The following OSMR variants were observed in gnomAD, a reference collection of about 807,000 sequenced individuals.
The protein encoded by OSMR is oncostatin-M-specific receptor subunit beta.
Under a neutral mutation model 99.9 loss-of-function variants are expected in OSMR, and 81 were observed. The ratio of observed to expected loss-of-function variants is 0.81; its 90% CI spans 0.68 to 0.97. The LOEUF is 0.97. Among genes scored for constraint, OSMR ranks in the 50% least tolerant of loss-of-function variants. OSMR has a pLI of 0.00. For missense variants in OSMR, 1,099 were observed against 1,153.4 expected, an observed-to-expected ratio of 0.95 and a Z score of 0.68; for synonymous variants, 406 against 410.4, an observed-to-expected ratio of 0.99 and a Z score of 0.13.
In OSMR at chr5:38,884,091, G is replaced by A. The variant is rs373437989; in HGVS notation, c.683G>A (p.Gly228Asp). 5 of 1,613,716 alleles carry A rather than the reference G, an allele frequency of 3.1e-6. No individual in the cohort carries two copies. Among genetic ancestry groups the A allele is most frequent in the Non-Finnish European group, 4.2e-6 (5 of 1,179,622 alleles). ...SQGNVSEGMK[G>D]IVLFVSKVLE... is the part of the protein sequence containing the mutation. The stretch of plus-strand genomic sequence containing the variant: ...GGAAATGTCAGTGAAGGCATGAAAG[G>A]CATCGTTCTTTTTGTCTCAAGTAAG... The change falls in exon 5 of 18, where the codon GGC (glycine) becomes GAC (aspartate). Residue 228 changes from glycine (G) to aspartate (D), a missense_variant. Gly to Asp is a moderately conservative substitution (Grantham distance 94). Transcript: ENST00000274276.
intron 9 of OSMR, among the ~76,000 whole-genome samples, chr5:38,910,699 A>G (rs1051195281): frequency 9.9e-5 from 15 of 152,226 alleles, no homozygotes; most frequent in African/African-American, 3.6e-4. Flanking sequence ...TCTCTGAGAC[A>G]CAGCAAAGCC....
chr5:38,913,130 G>C (rs1745690307), intron 9 of OSMR, among the ~76,000 whole-genome samples: 1 of 152,098 alleles, frequency 6.6e-6, no homozygotes, highest in Non-Finnish European at 1.5e-5. Context: ...TATCAAAAGA[G>C]TAAGCAACAA....
At position 38,906,009 on chromosome 5, in the gene OSMR, T is replaced by G. The variant is rs372450400; in HGVS notation, c.1285+1506T>G. Among the ~76,000 whole-genome samples, 7 of 152,230 alleles carry G rather than the reference T, an allele frequency of 4.6e-5. No homozygotes were observed. The East Asian group carries it at 1.4e-3, about 29-fold the overall frequency. On this transcript the variant is annotated intron_variant, in intron 9 of 17. Coordinates refer to ENST00000274276, the MANE Select transcript of OSMR (RefSeq NM_003999.3). ...GCAGGCCTCCCCGCTTCCCTGGTGGTGTCTGCCTATCCTCAAGCCCATTGA... is the reference window on the plus strand; with the variant it reads ...GCAGGCCTCCCCGCTTCCCTGGTGGGGTCTGCCTATCCTCAAGCCCATTGA...
intron 1 of OSMR, among the ~76,000 whole-genome samples, chr5:38,853,183 T>C (rs78429535): frequency 7.5e-4 from 114 of 152,364 alleles, no homozygotes; most frequent in African/African-American, 2.5e-3. Context: ...TTACCTATGA[T>C]TTAATCTAGT....
chr5:38,914,693 G>A (rs572680185), intron 9 of OSMR, among the ~76,000 whole-genome samples: 2 of 152,332 alleles, frequency 1.3e-5, no homozygotes, highest in South Asian at 2.1e-4. Context: ...CAACATGGAT[G>A]TAGCTGGAGG....
intron 1 of OSMR, among the ~76,000 whole-genome samples, chr5:38,859,270 T>C (rs1741092755): frequency 6.6e-6 from 1 of 152,214 alleles, no homozygotes; most frequent in Non-Finnish European, 1.5e-5. Context: ...TTGGAGTTTA[T>C]TTTTGTCTAT....
chr5:38,847,140 G>A (rs1739908812), intron 1 of OSMR, among the ~76,000 whole-genome samples: 1 of 152,224 alleles, frequency 6.6e-6, no homozygotes, highest in South Asian at 2.1e-4. Context: ...AGGATACTTA[G>A]TTTGAGCTAG....
At chr5:38,928,438 G>A (rs545462588) in intron 15 of OSMR, among the ~76,000 whole-genome samples, 11 of 152,276 alleles carry the variant, frequency 7.2e-5, no homozygotes, top group Middle Eastern at 3.4e-3. Context: ...GAGGCCTCAC[G>A]AAACTTATAA....
chr5:38,912,800 A>G (rs867906551), intron 9 of OSMR, among the ~76,000 whole-genome samples: 40 of 152,302 alleles, frequency 2.6e-4, no homozygotes, highest in Middle Eastern at 6.8e-3. Flanking sequence ...ATCTTCTACA[A>G]AGTCAACAAA....
intron 1 of OSMR, among the ~76,000 whole-genome samples, chr5:38,857,509 T>G (rs535847299): frequency 1.3e-5 from 2 of 152,290 alleles, no homozygotes; most frequent in African/African-American, 4.8e-5. Flanking sequence ...TTATTTAAAA[T>G]TGACACATAA....
intron 7 of OSMR, among the ~76,000 whole-genome samples, chr5:38,891,247 G>A (rs979237008): frequency 1.1e-4 from 17 of 152,186 alleles, no homozygotes; most frequent in African/African-American, 3.9e-4. Flanking sequence ...TAAATCAGGT[G>A]TGCAGACCAA....
Position 38,921,801 on chromosome 5 carries a change from A to T in OSMR, c.1765+7A>T. ...AGCACAGTCATTAGCACAGGTAAGA[A>T]GAAGCTTCCATATCATCGCATTGCT... On this transcript the variant is annotated splice_region_variant and intron_variant, in intron 12 of 17. Transcript: ENST00000274276. 2 of 1,608,698 alleles carry T rather than the reference A, an allele frequency of 1.2e-6. No individual in the cohort carries two copies. Among genetic ancestry groups the T allele is most frequent in the Non-Finnish European group, 1.7e-6 (2 of 1,175,018 alleles).
At chr5:38,886,487 C>A (rs182667559) in intron 7 of OSMR, 1 of 421,718 alleles carries the variant, frequency 2.4e-6, no homozygotes, top group Non-Finnish European at 3.9e-6. Flanking sequence ...TCGCTCCTTC[C>A]GCCAAGATAA....
At chr5:38,939,895 T>A (rs1747350737), downstream of OSMR, 1 of 227,564 alleles carries the variant, frequency 4.4e-6, no homozygotes, top group Non-Finnish European at 8.7e-6. Context: ...AGTTAATCAC[T>A]TGGCACTGCA....
chr5:38,913,120 T>C (rs559109949), intron 9 of OSMR, among the ~76,000 whole-genome samples: 1 of 152,212 alleles, frequency 6.6e-6, no homozygotes, highest in South Asian at 2.1e-4. Context: ...CAAAAGATAC[T>C]ATCAAAAGAG....
At chr5:38,885,953 G>A in intron 6 of OSMR, 86 bp from the exon 7 acceptor site, 1 of 1,562,386 alleles carries the variant, frequency 6.4e-7, no homozygotes, top group Non-Finnish European at 8.6e-7. Context: ...CAGTCACTGA[G>A]TATGCCCTGA....
chr5:38,878,282 A>C (rs1270209580), intron 3 of OSMR, among the ~76,000 whole-genome samples: 1 of 152,126 alleles, frequency 6.6e-6, no homozygotes, highest in Non-Finnish European at 1.5e-5. Flanking sequence ...TGTTTAGACC[A>C]AAATCTCCCT....
At chr5:38,859,321 A>T (rs1741095491) in intron 1 of OSMR, among the ~76,000 whole-genome samples, 3 of 152,180 alleles carry the variant, frequency 2.0e-5, no homozygotes, top group Admixed American at 6.5e-5. Context: ...CTGCATTGGT[A>T]TCCAGTTTTC....
At chr5:38,872,834 A>T (rs1359623715) in intron 2 of OSMR, among the ~76,000 whole-genome samples, 1 of 152,232 alleles carries the variant, frequency 6.6e-6, no homozygotes, top group Non-Finnish European at 1.5e-5. Flanking sequence ...ATTTTTAAAA[A>T]GCGCATGGGA....
Sources: gnomAD v4.1 joint callset for allele counts (sites outside exome capture counted in the v4.1 genomes callset) on GRCh38, gnomAD v4.1.1 for gene constraint, MANE v1.5 for transcripts, NCBI Gene and HGNC (gene_info 2026-07-23, HGNC 2026-07-21) for gene names.